The following WDHD1 variants were observed in gnomAD, a reference collection of about 807,000 sequenced individuals.
The protein encoded by WDHD1 is WD repeat and HMG-box DNA binding protein 1.
WDHD1 carries 111 observed loss-of-function variants against 135.4 expected under a neutral mutation model. That is an observed-to-expected ratio of 0.82 (90% CI 0.70 to 0.96). The LOEUF is 0.96. Among genes scored for constraint, WDHD1 ranks in the 40% least tolerant of loss-of-function variants. The pLI is 0.00. For missense variants in WDHD1, 1,351 were observed against 1,336.3 expected, an observed-to-expected ratio of 1.01 and a Z score of -0.17; for synonymous variants, 434 against 439.0, an observed-to-expected ratio of 0.99 and a Z score of 0.14.
At position 55,017,899 on chromosome 14, in the gene WDHD1, G is replaced by A. The variant is rs2042286475; in HGVS notation, c.78-4303C>T. On this transcript the variant is annotated intron_variant, in intron 2 of 25. Coordinates refer to ENST00000360586, the MANE Select transcript of WDHD1 (RefSeq NM_007086.4). ...GTGGCCCTACCACGGCTCACTGCAGGCTTGACCTGGGCTCAAGCAATCCTC... is the reference window on the plus strand; with the variant it reads ...GTGGCCCTACCACGGCTCACTGCAGACTTGACCTGGGCTCAAGCAATCCTC... 2.6e-5 allele frequency among the ~76,000 whole-genome samples: 4 copies of A among 152,044 alleles called. No homozygotes were observed. In the East Asian group the frequency reaches 7.7e-4, roughly 29 times the overall value.
chr14:54,949,323 G>A (rs1050418347), intron 24 of WDHD1, among the ~76,000 whole-genome samples: 3 of 152,284 alleles, frequency 2.0e-5, no homozygotes, highest in Non-Finnish European at 2.9e-5. Flanking sequence ...TGATGGAGCT[G>A]AAAACCATGG....
chr14:55,007,476 C>T, intron 6 of WDHD1, 101 bp from the exon 7 acceptor site: 1 of 838,398 alleles, frequency 1.2e-6, no homozygotes, highest in Non-Finnish European at 1.8e-6. Context: ...CAATATATAT[C>T]TCAGAAAAAT....
chr14:55,019,269 T>C (rs760594634), intron 2 of WDHD1, among the ~76,000 whole-genome samples: 12 of 152,216 alleles, frequency 7.9e-5, no homozygotes, highest in Non-Finnish European at 1.8e-4. Flanking sequence ...GATCATATGT[T>C]TAATGTTTGG....
chr14:54,941,821 T>C (rs888295058), intron 25 of WDHD1, 131 bp from the exon 26 acceptor site: 2 of 759,866 alleles, frequency 2.6e-6, no homozygotes, highest in East Asian at 2.8e-5. Flanking sequence ...AATTAAGTGT[T>C]CTCATTGTTA....
At chr14:55,006,759 G>A (rs1022449111) in intron 7 of WDHD1, among the ~76,000 whole-genome samples, 17 of 152,060 alleles carry the variant, frequency 1.1e-4, no homozygotes, top group Admixed American at 1.1e-3. Context: ...ATTCATTCAT[G>A]CAAAATTTAT....
intron 8 of WDHD1, 109 bp from the exon 9 acceptor site, chr14:55,001,101 G>T: frequency 1.6e-6 from 1 of 623,440 alleles, no homozygotes; most frequent in Non-Finnish European, 2.4e-6. Context: ...GAATTTGGAG[G>T]GGAATCAACC....
At chr14:54,942,238 G>A (rs2040851123) in intron 25 of WDHD1, among the ~76,000 whole-genome samples, 1 of 149,148 alleles carries the variant, frequency 6.7e-6, no homozygotes, top group Non-Finnish European at 1.5e-5. Context: ...GCGAGAGCAA[G>A]ACTCCGTCTC....
chr14:54,971,239 G>A (rs1490144091), intron 16 of WDHD1, among the ~76,000 whole-genome samples: 1 of 152,144 alleles, frequency 6.6e-6, no homozygotes, highest in East Asian at 1.9e-4. Flanking sequence ...TGACAAGTGG[G>A]ACCTAATTAA....
chr14:54,984,699 T>C (rs2041669923), intron 15 of WDHD1, 24 bp downstream of exon 15: 2 of 1,586,672 alleles, frequency 1.3e-6, no homozygotes, highest in Non-Finnish European at 1.7e-6. Flanking sequence ...TTATACTTGT[T>C]TTTTTTAAAC....
At chr14:55,022,824 CTTTT>C (rs869133747) in intron 2 of WDHD1, among the ~76,000 whole-genome samples, 5 of 136,726 alleles carry the variant, frequency 3.7e-5, no homozygotes, top group Non-Finnish European at 4.7e-5. Context: ...CTTTCTCTTT[CTTTT>C]TTTTTTTTTT....
intron 1 of WDHD1, 57 bp from the exon 2 acceptor site, chr14:55,026,860 C>G: frequency 6.4e-7 from 1 of 1,568,320 alleles, no homozygotes; most frequent in Non-Finnish European, 8.8e-7. Flanking sequence ...AGCAGCGAGG[C>G]TAGGGATAGG....
chr14:54,946,756 A>G (rs2040932557), intron 24 of WDHD1, among the ~76,000 whole-genome samples: 1 of 152,224 alleles, frequency 6.6e-6, no homozygotes, highest in Admixed American at 6.5e-5. Flanking sequence ...CCAAAGTGTT[A>G]GGCTTGGCCA....
At chr14:54,968,650 T>C (rs775974945) in intron 16 of WDHD1, among the ~76,000 whole-genome samples, 1 of 152,008 alleles carries the variant, frequency 6.6e-6, no homozygotes, top group Non-Finnish European at 1.5e-5. Flanking sequence ...GGAAGCTCCA[T>C]ATAAGCACAA....
At chr14:55,001,338 G>C (rs969370675) in intron 8 of WDHD1, among the ~76,000 whole-genome samples, 1 of 152,188 alleles carries the variant, frequency 6.6e-6, no homozygotes, top group African/African-American at 2.4e-5. Flanking sequence ...ATTACTCACT[G>C]CAACTTTCAA....
intron 2 of WDHD1, among the ~76,000 whole-genome samples, chr14:55,020,968 G>A (rs190463137): frequency 3.3e-5 from 5 of 152,222 alleles, no homozygotes; most frequent in Admixed American, 1.3e-4. Flanking sequence ...CATCCTTATC[G>A]TCTTCACAGT....
Position 54,989,123 on chromosome 14 carries a change from A to G in WDHD1, c.1431T>C (p.His477=), listed in dbSNP as rs1269817741. The G allele has an allele frequency of 1.2e-6, 2 of 1,613,642 alleles. No individual in the cohort carries two copies. Among genetic ancestry groups the G allele is most frequent in the South Asian group, 1.1e-5 (1 of 91,068 alleles). ...DVEFHDTSIH[H]ATHLSNTLNY... The stretch of plus-strand genomic sequence containing the variant: ...TCAAAGTGTTTGATAAGTGTGTTGC[A>G]TGGTGTATGGAGGTATCATGGAACT... The change falls in exon 13 of 26, where the codon CAT becomes CAC. Residue 477 remains histidine, a synonymous_variant. Coordinates refer to ENST00000360586, the MANE Select transcript of WDHD1 (RefSeq NM_007086.4).
intron 2 of WDHD1, among the ~76,000 whole-genome samples, chr14:55,016,427 C>T (rs117933520): frequency 0.024 from 3,666 of 152,268 alleles, 63 homozygotes; most frequent in South Asian, 0.04. Flanking sequence ...GGGCTACAGT[C>T]ATACTATAGT....
intron 2 of WDHD1, 74 bp downstream of exon 2, chr14:55,026,637 G>T: frequency 2.1e-6 from 3 of 1,416,354 alleles, no homozygotes; most frequent in Non-Finnish European, 3.0e-6. Flanking sequence ...ATTTTTAGCT[G>T]ACTGCACATA....
intron 24 of WDHD1, among the ~76,000 whole-genome samples, chr14:54,947,418 TA>T (rs1334477580): frequency 6.6e-6 from 1 of 152,172 alleles, no homozygotes; most frequent in Admixed American, 6.5e-5. Flanking sequence ...GTTTAAGACC[TA>T]AATTAAATTC....
Sources: gnomAD v4.1 joint callset for allele counts (sites outside exome capture counted in the v4.1 genomes callset) on GRCh38, gnomAD v4.1.1 for gene constraint, MANE v1.5 for transcripts, NCBI Gene and HGNC (gene_info 2026-07-23, HGNC 2026-07-21) for gene names.